MPP2: variants seen among roughly 807,000 people sequenced by gnomAD.
MPP2 encodes the protein MAGUK p55 subfamily member 2.
MPP2 carries 42 observed loss-of-function variants against 58.5 expected under a neutral mutation model. The ratio of observed to expected loss-of-function variants is 0.72; its 90% CI spans 0.56 to 0.93. The LOEUF (loss-of-function observed/expected upper bound fraction) is 0.93. Among genes scored for constraint, MPP2 ranks in the 40% least tolerant of loss-of-function variants. The probability of loss-of-function intolerance (pLI) is 0.00; values close to 1 mark genes in which losing one functional copy is unlikely to be tolerated. For missense variants in MPP2, 632 were observed against 760.4 expected (o/e 0.83, Z 1.99); for synonymous variants, 300 against 307.8 (o/e 0.97, Z 0.26).
chr17:43,900,593 G>A (rs1346285412), intron 2 of MPP2: 2 of 1,500,210 alleles, frequency 1.3e-6, no homozygotes, highest in African/African-American at 1.4e-5. Context: ...CGTCCTACAC[G>A]CCGCCGTCTA....
At position 43,882,510 on chromosome 17, in the gene MPP2, C is replaced by T; in HGVS notation, c.455G>A (p.Gly152Asp). Residue 152 changes from glycine to aspartate, a missense_variant and splice_region_variant, in exon 6 of 13, where the codon GGT becomes GAT. Coordinates refer to ENST00000269095, the MANE Select transcript of MPP2 (RefSeq NM_005374.5). ...GIRKTAGEHL[G>D]VTFRVEGGEL... Reference sequence around the variant, plus strand: ...GCCGCCCTCCACGCGGAACGTTACACCCTGGAGGTCAGAGGGAGTGTAAGA... The same window carrying T: ...GCCGCCCTCCACGCGGAACGTTACATCCTGGAGGTCAGAGGGAGTGTAAGA... 1.2e-6 allele frequency: 2 copies of T among 1,602,684 alleles called. No homozygotes were observed. The highest frequency in any genetic ancestry group is 1.7e-6 in the Non-Finnish European group (2 of 1,179,678).
rs890852296 is a variant in MPP2 at position 43,898,760 on chromosome 17, T to C, written c.32-380A>G. Among the ~76,000 whole-genome samples the C allele has an allele frequency of 2.0e-5, 3 of 151,606 alleles. No individual in the cohort carries two copies. The South Asian group carries it at 6.3e-4, about 32-fold the overall frequency. ...TGGGTGGATCACTTGAGGCCAGGAG[T>C]TCAAGACCAGCCTGGGCAACAAGGC... On this transcript the variant is annotated intron_variant, in intron 2 of 12. Coordinates refer to ENST00000269095, the MANE Select transcript of MPP2 (RefSeq NM_005374.5).
Position 43,883,370 on chromosome 17 carries a change from A to T in MPP2, c.151-15T>A. ...CTCTCATGGGCCTGGGGGTGGAAGC[A>T]GAACAGGTGGGGCTAGGAGCTTCCC... is the stretch of plus-strand genomic sequence containing the variant. On this transcript the variant is annotated splice_polypyrimidine_tract_variant and intron_variant, in intron 3 of 12. Transcript: ENST00000269095. The T allele has an allele frequency of 6.2e-7, 1 of 1,608,136 alleles. No individual in the cohort carries two copies.
intron 3 of MPP2, among the ~76,000 whole-genome samples, chr17:43,886,189 C>T (rs1358048027): frequency 6.6e-6 from 1 of 152,004 alleles, no homozygotes; most frequent in African/African-American, 2.4e-5. Flanking sequence ...TACCCTAGGG[C>T]TTTTATTTAA....
At chr17:43,901,590 T>C in intron 2 of MPP2, 1 of 985,282 alleles carries the variant, frequency 1.0e-6, no homozygotes, top group Non-Finnish European at 1.2e-6. Flanking sequence ...GCCATGACAG[T>C]AGAATTACAC....
At chr17:43,888,951 G>A (rs917274162) in intron 3 of MPP2, among the ~76,000 whole-genome samples, 2 of 151,242 alleles carry the variant, frequency 1.3e-5, no homozygotes, top group Non-Finnish European at 2.9e-5. Context: ...TTTTTAGACG[G>A]AGTCTCACTC....
At chr17:43,894,455 ACACACAC>A (rs2047748858) in intron 3 of MPP2, among the ~76,000 whole-genome samples, 2 of 122,782 alleles carry the variant, frequency 1.6e-5, no homozygotes, top group Admixed American at 7.8e-5. Flanking sequence ...ACACACACAC[ACACACAC>A]AAAAATTAGC....
rs1323694284 is a variant in MPP2 at position 43,881,097 on chromosome 17, C to G, written c.981G>C (p.Lys327Asn). 6.2e-7 allele frequency: 1 copy of G among 1,613,966 alleles called. No homozygotes were observed. Among genetic ancestry groups the G allele is most frequent in the Non-Finnish European group, 8.5e-7 (1 of 1,179,974 alleles). ...GGGCGCTCTGATACCCACCTGCATT[C>G]TTGGTGGTCAAATACATCATTCGCT... Reference protein sequence around the residue: ...KKKRMMYLTTKNAEFDRHELL... With the variant: ...KKKRMMYLTTNNAEFDRHELL... Residue 327 changes from lysine (K) to asparagine (N), a missense_variant, in exon 9 of 13, where the codon AAG becomes AAC. Transcript: ENST00000269095.
At chr17:43,882,230 G>C in intron 6 of MPP2, 54 bp downstream of exon 6, 1 of 1,515,046 alleles carries the variant, frequency 6.6e-7, no homozygotes, top group South Asian at 1.2e-5. Flanking sequence ...CTGCAACCTT[G>C]ACAGCCAGGA....
rs576963371 is a variant in MPP2, at chr17:43,877,969, T to C, written c.1497A>G (p.Arg499=). The C allele has an allele frequency of 1.9e-5, 31 of 1,613,242 alleles. No homozygotes were observed. In the South Asian group the frequency reaches 2.1e-4, roughly 11 times the overall value. Residue 499 remains arginine (R), a synonymous_variant, in exon 13 of 13, where the codon AGA becomes AGG. Coordinates refer to ENST00000269095, the MANE Select transcript of MPP2 (RefSeq NM_005374.5). ...STKQLTEADL[R]RTVEESSRIQ... ...TGCGGCTGCTCTCCTCCACTGTCCG[T>C]CTCAGGTCCGCCTCCTGCCCAGGCA...
At chr17:43,885,214 A>AT (rs944414261) in intron 3 of MPP2, among the ~76,000 whole-genome samples, 3 of 151,478 alleles carry the variant, frequency 2.0e-5, no homozygotes, top group African/African-American at 4.9e-5. Context: ...ATCACTATGA[A>AT]TTTTTTTTAT....
upstream of MPP2, chr17:43,909,479 G>C (rs2048383854): frequency 1.9e-6 from 2 of 1,053,490 alleles, no homozygotes; most frequent in Non-Finnish European, 2.5e-6. Context: ...TTTGTATTTT[G>C]GAAGAGGAAG....
intron 5 of MPP2, 106 bp downstream of exon 5, chr17:43,882,797 C>G: frequency 1.3e-6 from 2 of 1,518,576 alleles, no homozygotes; most frequent in Non-Finnish European, 1.8e-6. Context: ...CAAAGCTGGC[C>G]CCATCTTCAT....
Position 43,877,998 on chromosome 17 carries a change from G to A in MPP2, c.1483-15C>T. 7 of 1,607,912 alleles carry A rather than the reference G, an allele frequency of 4.4e-6. No individual in the cohort carries two copies. Among genetic ancestry groups the A allele is most frequent in the South Asian group, 1.1e-5 (1 of 90,422 alleles). On this transcript the variant is annotated splice_polypyrimidine_tract_variant and intron_variant, in intron 12 of 12. Transcript: ENST00000269095. ...AGGTCCGCCTCCTGCCCAGGCACAAGGGGACCTCCCTACAGTCAGTGCCCA... is the reference window on the plus strand; with the variant it reads ...AGGTCCGCCTCCTGCCCAGGCACAAAGGGACCTCCCTACAGTCAGTGCCCA...
At chr17:43,907,064 C>T in intron 1 of MPP2, 1 of 658,968 alleles carries the variant, frequency 1.5e-6, no homozygotes, top group Non-Finnish European at 1.9e-6. Flanking sequence ...AGGGGGCCAC[C>T]GGGACCCAGC....
At chr17:43,882,035 C>T (rs993790396) in intron 6 of MPP2, among the ~76,000 whole-genome samples, 2 of 152,238 alleles carry the variant, frequency 1.3e-5, no homozygotes, top group Non-Finnish European at 2.9e-5. Flanking sequence ...ATAATGCAGG[C>T]GCTCTCTCAT....
chr17:43,882,749 C>G (rs1470244896), intron 5 of MPP2, among the ~76,000 whole-genome samples, 154 bp downstream of exon 5: 3 of 152,070 alleles, frequency 2.0e-5, no homozygotes, highest in African/African-American at 7.3e-5. Flanking sequence ...TCTCCTGGGT[C>G]TTCCCCCGAC....
upstream of MPP2, chr17:43,907,604 G>C: frequency 1.0e-6 from 1 of 985,590 alleles, no homozygotes; most frequent in South Asian, 4.7e-5. Context: ...AGGTCCGGAG[G>C]AGAGGGGAGG....
chr17:43,881,356 C>T lies in MPP2; in HGVS notation c.814-7G>A, dbSNP rs772604062. The T allele has an allele frequency of 1.9e-6, 3 of 1,614,134 alleles. No homozygotes were observed. The highest frequency in any genetic ancestry group is 4.5e-5 in the East Asian group (2 of 44,860). The stretch of plus-strand genomic sequence containing the variant: ...CCCCTTCGACATGGCATGCCTAAAA[C>T]GGACATGAGACCAAGATCTGCCTGA... On this transcript the variant is annotated splice_polypyrimidine_tract_variant and splice_region_variant and intron_variant, in intron 7 of 12. Transcript: ENST00000269095.
Sources: allele counts gnomAD v4.1 joint callset (sites outside exome capture counted in the v4.1 genomes callset), GRCh38; gene constraint gnomAD v4.1.1; transcripts MANE v1.5; gene names NCBI Gene and HGNC (gene_info 2026-07-23, HGNC 2026-07-21).